The following PHLPP2 variants were observed in gnomAD, a reference collection of about 807,000 sequenced individuals.
The protein encoded by PHLPP2 is PH domain and leucine rich repeat protein phosphatase 2.
In PHLPP2, 66 loss-of-function variants were observed where a neutral mutation model predicts 124.9. The observed-to-expected ratio is 0.53, with a 90% confidence interval of 0.43 to 0.65. The LOEUF is 0.65. PHLPP2 is among the 30% of genes least tolerant of loss of function. The pLI is 0.00. For missense variants in PHLPP2, 1,685 were observed against 1,600.4 expected (o/e 1.05, Z -0.90); for synonymous variants, 681 against 624.7 (o/e 1.09, Z -1.34).
chr16:71,698,206 AGAGCAGGGCCCGCCACT>A (rs1197625042), intron 3 of PHLPP2, among the ~76,000 whole-genome samples: 8 of 152,176 alleles, frequency 5.3e-5, no homozygotes, highest in Non-Finnish European at 1.2e-4. Flanking sequence ...AGCCCTCACA[AGAGCAGGGCCCGCCACT>A]TGTCCAGAGG....
intron 3 of PHLPP2, among the ~76,000 whole-genome samples, chr16:71,701,482 C>A (rs925777702): frequency 1.3e-5 from 2 of 152,074 alleles, no homozygotes; most frequent in Non-Finnish European, 2.9e-5. Context: ...TTGGAAAGAT[C>A]CCTCAAAATT....
At chr16:71,710,966 T>C (rs1021977542) in intron 2 of PHLPP2, among the ~76,000 whole-genome samples, 4 of 152,216 alleles carry the variant, frequency 2.6e-5, no homozygotes, top group African/African-American at 4.8e-5. Context: ...ATTTATAGTA[T>C]ATCCATACAG....
chr16:71,649,510 A>T lies in PHLPP2; in HGVS notation c.3352T>A (p.Cys1118Ser). 2 of 1,614,176 alleles carry T rather than the reference A, an allele frequency of 1.2e-6. No homozygotes were observed. The highest frequency in any genetic ancestry group is 2.2e-5 in the South Asian group (2 of 91,088). Residue 1118 changes from cysteine to serine, a missense_variant, in exon 19 of 19, where the codon TGC (cysteine) becomes AGC (serine). Cys to Ser is a moderately radical substitution (Grantham distance 112). Transcript: ENST00000568954. ...GAGGTGGGTGTTGGGTGGAGGCTGC[A>T]GCGCCGCTCTGGCCTCGGAAGCAAG... ...TALLPRPERR[C>S]SLHPTPTSGL...
intron 4 of PHLPP2, among the ~76,000 whole-genome samples, chr16:71,687,862 TATACCAGA>T (rs1251059037): frequency 6.6e-6 from 1 of 152,218 alleles, no homozygotes; most frequent in Non-Finnish European, 1.5e-5. Flanking sequence ...CTATTAGATG[TATACCAGA>T]GCCTTTCTGA....
intron 3 of PHLPP2, among the ~76,000 whole-genome samples, chr16:71,699,112 G>A (rs529527273): frequency 6.6e-6 from 1 of 152,174 alleles, no homozygotes; most frequent in African/African-American, 2.4e-5. Flanking sequence ...CAGGAACTGG[G>A]TGGTTGGAGG....
intron 3 of PHLPP2, among the ~76,000 whole-genome samples, chr16:71,699,027 G>A (rs1415003023): frequency 6.6e-6 from 1 of 152,148 alleles, no homozygotes. Context: ...AATATTTGAA[G>A]CTGATTACTA....
chr16:71,676,718 T>C, intron 8 of PHLPP2, 69 bp from the exon 9 acceptor site: 2 of 1,165,752 alleles, frequency 1.7e-6, no homozygotes, highest in African/African-American at 1.5e-5. Context: ...AGAATAAAAA[T>C]AAAAAATAGG....
intron 1 of PHLPP2, chr16:71,715,062 A>G (rs532349010): frequency 9.4e-5 from 44 of 467,320 alleles, no homozygotes; most frequent in African/African-American, 8.3e-4. Context: ...TGTCAAGAAT[A>G]ACGAAACAGC....
intron 2 of PHLPP2, among the ~76,000 whole-genome samples, chr16:71,705,472 T>G (rs138589991): frequency 6.6e-6 from 1 of 152,300 alleles, no homozygotes; most frequent in East Asian, 1.9e-4. Context: ...CTGTAGATTT[T>G]GGAAACCCTC....
intron 1 of PHLPP2, among the ~76,000 whole-genome samples, chr16:71,717,667 C>T (rs1365469789): frequency 6.6e-6 from 1 of 152,050 alleles, no homozygotes; most frequent in Non-Finnish European, 1.5e-5. Context: ...TTAAATACTC[C>T]TCATTTTTTA....
At position 71,676,612 on chromosome 16, in the gene PHLPP2, C is replaced by A; in HGVS notation, c.1306G>T (p.Glu436Ter). ...HLKTMVIENL[E>*]GNKHITHVDL... ...ACGTGGGTGATGTGTTTATTTCCCTCCAGATTTTCAATAACCATGGTTTTC... is the reference window on the plus strand; with the variant it reads ...ACGTGGGTGATGTGTTTATTTCCCTACAGATTTTCAATAACCATGGTTTTC... Residue 436 changes from glutamate to a stop codon, truncating the protein, a stop_gained, in exon 9 of 19, where the codon GAG becomes TAG. Coordinates refer to ENST00000568954, the MANE Select transcript of PHLPP2 (RefSeq NM_015020.3). LOFTEE classifies it high-confidence loss of function. 1 of 1,613,882 alleles carries A rather than the reference C, an allele frequency of 6.2e-7. No individual in the cohort carries two copies. The highest frequency in any genetic ancestry group is 8.5e-7 in the Non-Finnish European group (1 of 1,179,728).
intron 9 of PHLPP2, among the ~76,000 whole-genome samples, chr16:71,675,132 C>G (rs1468093967): frequency 6.6e-6 from 1 of 152,220 alleles, no homozygotes; most frequent in East Asian, 1.9e-4. Context: ...CTCGACATCT[C>G]TAACACTGTC....
chr16:71,700,066 C>T (rs948143276), intron 3 of PHLPP2, among the ~76,000 whole-genome samples: 1 of 152,156 alleles, frequency 6.6e-6, no homozygotes, highest in Non-Finnish European at 1.5e-5. Context: ...TGTCACAAGT[C>T]CCAAAGAGGG....
intron 3 of PHLPP2, among the ~76,000 whole-genome samples, chr16:71,699,676 C>A (rs75661814): frequency 1.1e-3 from 174 of 152,326 alleles, no homozygotes; most frequent in African/African-American, 4.0e-3. Context: ...GGCCCTTTAC[C>A]CTCACTGGTG....
In PHLPP2 at chr16:71,646,152, T is replaced by C. The variant is rs2044651828; in HGVS notation, c.*2738A>G. Reference sequence around the variant, plus strand: ...TAAATTACATTCACCTGGAGACAGATACGGGCTTTCACTGACAGCCTGTTT... The same window carrying C: ...TAAATTACATTCACCTGGAGACAGACACGGGCTTTCACTGACAGCCTGTTT... On this transcript the variant is annotated 3_prime_UTR_variant, in exon 19 of 19. Transcript: ENST00000568954. 6.6e-6 allele frequency: 1 copy of C among 152,670 alleles called. No individual in the cohort carries two copies. The highest frequency in any genetic ancestry group is 2.4e-5 in the African/African-American group (1 of 41,462). 9.5% of individuals were successfully genotyped at this position (152,670 alleles called of 1,614,324 possible). A position where few individuals can be genotyped will look rare whatever the true frequency, so the allele number is the denominator to read the frequency against.
At position 71,720,907 on chromosome 16, in the gene PHLPP2, G is replaced by A. The variant is rs547105949; in HGVS notation, c.-7+3422C>T. On this transcript the variant is annotated intron_variant, in intron 1 of 18. Transcript: ENST00000568954. ...AAAAAAACAATGTGAAATACTCTTA[G>A]GTAGAAGATGTTTCTGCATTCAAAA... Among the ~76,000 whole-genome samples, 2 of 151,754 alleles carry A rather than the reference G, an allele frequency of 1.3e-5. 1 individual carries two copies. The highest frequency in any genetic ancestry group is 3.9e-4 in the East Asian group (2 of 5,184).
chr16:71,679,604 T>A, intron 6 of PHLPP2, 69 bp from the exon 7 acceptor site: 1 of 1,302,696 alleles, frequency 7.7e-7, no homozygotes, highest in African/African-American at 1.5e-5. Flanking sequence ...ACAAGGGACA[T>A]CAACGGCCTT....
At position 71,655,464 on chromosome 16, in the gene PHLPP2, G is replaced by T. The variant is rs762241038; in HGVS notation, c.2391-30C>A. The T allele has an allele frequency of 2.3e-6, 3 of 1,323,488 alleles. No homozygotes were observed. The Admixed American group carries it at 5.7e-5, about 25-fold the overall frequency. The allele number at this position is 1,323,488 out of a possible 1,614,324, so 82.0% of individuals were successfully genotyped here. On this transcript the variant is annotated intron_variant, in intron 16 of 18. Transcript: ENST00000568954. ...AATAGAAACATGAAAACAGAAAACA[G>T]AAAAGTTACTGGTAAAATATTATTC...
intron 18 of PHLPP2, among the ~76,000 whole-genome samples, chr16:71,650,894 G>A (rs1395879283): frequency 1.3e-5 from 2 of 152,346 alleles, no homozygotes; most frequent in African/African-American, 4.8e-5. Context: ...AAACTCTGGG[G>A]CTAGGGCCCA....
Sources: gnomAD v4.1 joint callset for allele counts (sites outside exome capture counted in the v4.1 genomes callset) on GRCh38, gnomAD v4.1.1 for gene constraint, MANE v1.5 for transcripts, NCBI Gene and HGNC (gene_info 2026-07-23, HGNC 2026-07-21) for gene names.